SYBU: variants seen among roughly 807,000 people sequenced by gnomAD.
SYBU encodes GOLSYN A protein.
In SYBU, 21 loss-of-function variants were observed where a neutral mutation model predicts 35.9. That is an observed-to-expected ratio of 0.58 (90% CI 0.41 to 0.84). SYBU has a LOEUF of 0.84. SYBU is among the 40% of genes least tolerant of loss of function. The probability of loss-of-function intolerance (pLI) is 0.00; values close to 1 mark genes in which losing one functional copy is unlikely to be tolerated. For missense variants in SYBU, 768 were observed against 848.2 expected (o/e 0.91, Z 1.17); for synonymous variants, 319 against 324.3 (o/e 0.98, Z 0.18).
At chr8:109,619,673 C>T (rs1812215743) in intron 2 of SYBU, among the ~76,000 whole-genome samples, 1 of 152,076 alleles carries the variant, frequency 6.6e-6, no homozygotes, top group African/African-American at 2.4e-5. Flanking sequence ...AGAAGTTCAC[C>T]AGAACAATTC....
chr8:109,618,767 AG>A (rs1328531569), intron 3 of SYBU, 74 bp downstream of exon 3: 1 of 1,308,590 alleles, frequency 7.6e-7, no homozygotes, highest in Non-Finnish European at 1.1e-6. Context: ...CTCGATATAC[AG>A]GTGTTTAGTT....
intron 2 of SYBU, among the ~76,000 whole-genome samples, chr8:109,629,032 T>C (rs907675128): frequency 1.3e-5 from 2 of 150,980 alleles, no homozygotes; most frequent in Non-Finnish European, 2.9e-5. Context: ...TACAGAGAAA[T>C]AAGTACAAAA....
chr8:109,674,404 T>C (rs902120504), intron 1 of SYBU, among the ~76,000 whole-genome samples: 8 of 152,148 alleles, frequency 5.3e-5, no homozygotes, highest in Admixed American at 5.2e-4. Context: ...GAAACGATTT[T>C]TCAACCCAGA....
intron 1 of SYBU, among the ~76,000 whole-genome samples, chr8:109,672,924 G>T (rs531858434): frequency 1.3e-5 from 2 of 152,346 alleles, no homozygotes; most frequent in East Asian, 3.9e-4. Context: ...GGGAAGTTTG[G>T]ACTGGGTGGA....
In SYBU at chr8:109,574,195, T is replaced by TA. The variant is rs34434627; in HGVS notation, c.*710dup. On this transcript the variant is annotated 3_prime_UTR_variant, in exon 7 of 7. Transcript: ENST00000276646. ...AAATAATTATTATTTTATGGGAGGA[T>TA]AAAACATTTATTTAAATGGAAACAC... The TA allele has an allele frequency of 5.4e-4, 83 of 152,496 alleles. No homozygotes were observed. The highest frequency in any genetic ancestry group is 1.1e-3 in the Non-Finnish European group (73 of 68,038). 9.4% of individuals were successfully genotyped at this position (152,496 alleles called of 1,614,324 possible).
upstream of SYBU, among the ~76,000 whole-genome samples, chr8:109,683,859 T>C (rs1817460671): frequency 6.6e-6 from 1 of 152,206 alleles, no homozygotes; most frequent in Admixed American, 6.5e-5. Flanking sequence ...CAAGATCTGA[T>C]GGTTTTATAA....
At chr8:109,658,097 G>A (rs185632332) in intron 1 of SYBU, among the ~76,000 whole-genome samples, 3 of 152,112 alleles carry the variant, frequency 2.0e-5, no homozygotes, top group Non-Finnish European at 4.4e-5. Flanking sequence ...TCCTCTTAAA[G>A]GTACTGTAGC....
At chr8:109,595,549 G>A (rs927056591) in intron 3 of SYBU, among the ~76,000 whole-genome samples, 3 of 152,208 alleles carry the variant, frequency 2.0e-5, no homozygotes, top group Non-Finnish European at 4.4e-5. Context: ...AGAGGCAAAT[G>A]TCTTAGGAGG....
chr8:109,653,594 T>A (rs1816238539), intron 1 of SYBU, among the ~76,000 whole-genome samples: 1 of 152,208 alleles, frequency 6.6e-6, no homozygotes, highest in African/African-American at 2.4e-5. Context: ...TCACCTGCAG[T>A]GGGCCTCAGT....
intron 1 of SYBU, among the ~76,000 whole-genome samples, chr8:109,663,171 G>T (rs941936751): frequency 6.6e-6 from 1 of 151,996 alleles, no homozygotes; most frequent in Non-Finnish European, 1.5e-5. Flanking sequence ...ATTATATCAA[G>T]CACAAGAAAC....
At chr8:109,665,964 C>T (rs1037355363) in intron 1 of SYBU, among the ~76,000 whole-genome samples, 1 of 152,312 alleles carries the variant, frequency 6.6e-6, no homozygotes, top group Middle Eastern at 3.4e-3. Flanking sequence ...AAACTAGATG[C>T]CTGCTGTTCA....
chr8:109,618,680 G>A (rs533678448), intron 3 of SYBU, 162 bp downstream of exon 3: 1 of 667,934 alleles, frequency 1.5e-6, no homozygotes, highest in African/African-American at 1.8e-5. Flanking sequence ...AACCATTTCA[G>A]AAAATAGTCC....
At chr8:109,671,317 T>A (rs974516924) in intron 1 of SYBU, among the ~76,000 whole-genome samples, 1 of 150,996 alleles carries the variant, frequency 6.6e-6, no homozygotes, top group Non-Finnish European at 1.5e-5. Context: ...CATAAGCTTC[T>A]TATTCATTAT....
At chr8:109,631,009 A>G (rs1015635133) in intron 2 of SYBU, among the ~76,000 whole-genome samples, 1 of 152,190 alleles carries the variant, frequency 6.6e-6, no homozygotes, top group African/African-American at 2.4e-5. Context: ...ATTATGTTGA[A>G]TGCTGCTGAG....
intron 3 of SYBU, among the ~76,000 whole-genome samples, chr8:109,609,843 T>C (rs1170662692): frequency 3.9e-5 from 6 of 152,296 alleles, no homozygotes; most frequent in Middle Eastern, 3.4e-3. Flanking sequence ...TGTCTCCCTA[T>C]GCTTTTCTGT....
At chr8:109,606,380 G>A (rs940355169) in intron 3 of SYBU, among the ~76,000 whole-genome samples, 1 of 152,126 alleles carries the variant, frequency 6.6e-6, no homozygotes, top group Non-Finnish European at 1.5e-5. Flanking sequence ...GCAGCCTTAT[G>A]TGAGGGGTAC....
At chr8:109,674,753 G>A (rs533361003) in intron 1 of SYBU, among the ~76,000 whole-genome samples, 18 of 152,106 alleles carry the variant, frequency 1.2e-4, no homozygotes, top group African/African-American at 3.9e-4. Context: ...AAATTAACAC[G>A]GATATTCAGG....
At chr8:109,632,156 T>A (rs1813696900) in intron 2 of SYBU, among the ~76,000 whole-genome samples, 1 of 152,154 alleles carries the variant, frequency 6.6e-6, no homozygotes. Context: ...TTCAAGCGAT[T>A]CTCCTGCCTA....
Position 109,657,530 on chromosome 8 carries a change from T to C in SYBU, c.-129+23181A>G, listed in dbSNP as rs182232683. On this transcript the variant is annotated intron_variant, in intron 1 of 5. Transcript: ENST00000408889. ...TTCCATAGAAATGCACATTAGATAT[T>C]CAACTCCTTTCTTAAGCATTCTATT... 3.9e-5 allele frequency among the ~76,000 whole-genome samples: 6 copies of C among 152,348 alleles called. No individual in the cohort carries two copies. In the East Asian group the frequency reaches 1.2e-3, roughly 29 times the overall value.
Sources: allele counts gnomAD v4.1 joint callset (sites outside exome capture counted in the v4.1 genomes callset), GRCh38; gene constraint gnomAD v4.1.1; transcripts MANE v1.5; gene names NCBI Gene and HGNC (gene_info 2026-07-23, HGNC 2026-07-21).